SCN1A: variants seen among roughly 807,000 people sequenced by gnomAD.
The protein encoded by SCN1A is sodium voltage-gated channel alpha subunit 1.
Under a neutral mutation model 193.7 loss-of-function variants are expected in SCN1A, and 13 were observed. The ratio of observed to expected loss-of-function variants is 0.07; its 90% CI spans 0.04 to 0.11. The LOEUF is 0.11. Ranked by LOEUF, SCN1A falls within the 10% of genes least tolerant of loss-of-function variation. The pLI, the probability that SCN1A is intolerant of heterozygous loss-of-function variation, is 1.00. For synonymous variants in SCN1A, 781 were observed against 843.6 expected (o/e 0.93, Z 1.29); for missense variants, 1,432 against 2,451.1 (o/e 0.58, Z 8.78).
intron 1 of SCN1A, among the ~76,000 whole-genome samples, chr2:166,143,716 T>C (rs1248226128): frequency 6.6e-6 from 1 of 152,212 alleles, no homozygotes; most frequent in African/African-American, 2.4e-5. Context: ...AATCATCTAA[T>C]TCAGGCTCTC....
chr2:166,048,449 C>T (rs1041598832), intron 10 of SCN1A, among the ~76,000 whole-genome samples: 4 of 152,122 alleles, frequency 2.6e-5, no homozygotes, highest in South Asian at 2.1e-4. Flanking sequence ...TGAGGACATG[C>T]GGTACTTAGT....
intron 23 of SCN1A, among the ~76,000 whole-genome samples, chr2:166,008,742 A>G (rs1227726105): frequency 6.6e-6 from 1 of 151,132 alleles, no homozygotes; most frequent in African/African-American, 2.4e-5. Flanking sequence ...ATGGAAGTCT[A>G]CAATACAGCT....
chr2:166,047,979 A>C (rs1231825115), intron 10 of SCN1A, among the ~76,000 whole-genome samples: 1 of 152,100 alleles, frequency 6.6e-6, no homozygotes, highest in African/African-American at 2.4e-5. Context: ...ATTTCTAATA[A>C]TATTTTACAA....
chr2:166,006,626 GCTTATTCAA>G (rs1691696831), intron 23 of SCN1A, among the ~76,000 whole-genome samples: 1 of 151,148 alleles, frequency 6.6e-6, no homozygotes, highest in South Asian at 2.1e-4. Context: ...ATTCACATGT[GCTTATTCAA>G]CTATTTCTTA....
intron 1 of SCN1A, among the ~76,000 whole-genome samples, chr2:166,136,794 G>C (rs147402723): frequency 6.6e-5 from 10 of 152,144 alleles, no homozygotes; most frequent in African/African-American, 2.2e-4. Context: ...ACCAGATTCC[G>C]GTGAGAGCTA....
chr2:166,104,880 G>T (rs1350826005), intron 2 of SCN1A, among the ~76,000 whole-genome samples: 1 of 152,230 alleles, frequency 6.6e-6, no homozygotes, highest in Non-Finnish European at 1.5e-5. Flanking sequence ...GCTGTTGTAA[G>T]AAAGCACAGG....
chr2:166,006,611 A>T (rs1233546989), intron 23 of SCN1A, among the ~76,000 whole-genome samples: 1 of 151,372 alleles, frequency 6.6e-6, no homozygotes, highest in African/African-American at 2.4e-5. Context: ...TTTGTTTACA[A>T]CACAATTCAC....
At chr2:166,013,935 C>T in intron 20 of SCN1A, 37 bp from the exon 21 acceptor site, 9 of 1,604,120 alleles carry the variant, frequency 5.6e-6, no homozygotes, top group Non-Finnish European at 7.7e-6. Context: ...GATAAAGTGT[C>T]TCTGCTTCCA....
At chr2:166,076,338 A>G (rs1180031156) in intron 3 of SCN1A, among the ~76,000 whole-genome samples, 1 of 151,910 alleles carries the variant, frequency 6.6e-6, no homozygotes, top group African/African-American at 2.4e-5. Flanking sequence ...ATAAGTTTAA[A>G]TATTTTATCT....
At chr2:166,019,093 AATTGTAAAAC>A (rs1693686657) in intron 19 of SCN1A, among the ~76,000 whole-genome samples, 1 of 152,206 alleles carries the variant, frequency 6.6e-6, no homozygotes, top group East Asian at 1.9e-4. Context: ...TACTTCTCCA[AATTGTAAAAC>A]ATTAATGGCA....
intron 3 of SCN1A, chr2:166,075,174 A>G (rs1163678684): frequency 2.0e-5 from 3 of 152,138 alleles, no homozygotes; most frequent in East Asian, 3.8e-4. Flanking sequence ...TGATGTATAT[A>G]TATAGTTTTT....
At chr2:166,130,091 T>C (rs1691598445), upstream of SCN1A, among the ~76,000 whole-genome samples, 1 of 152,174 alleles carries the variant, frequency 6.6e-6, no homozygotes, top group South Asian at 2.1e-4. Context: ...CCATCTCCAG[T>C]CTACTCAAGA....
Position 165,998,023 on chromosome 2 carries a change from A to G in SCN1A, c.4476+15T>C, listed in dbSNP as rs1325981990. 1 of 1,590,016 alleles carries G rather than the reference A, an allele frequency of 6.3e-7. No homozygotes were observed. Among genetic ancestry groups the G allele is most frequent in the South Asian group, 1.1e-5 (1 of 90,380 alleles). ...TTTCTATCTCAGTGGGAGAGAAAATATTAGAAATACTTATCTTCTTTTTCT... is the reference window on the plus strand; with the variant it reads ...TTTCTATCTCAGTGGGAGAGAAAATGTTAGAAATACTTATCTTCTTTTTCT... On this transcript the variant is annotated intron_variant, in intron 26 of 28. Coordinates refer to ENST00000674923, the MANE Select transcript of SCN1A (RefSeq NM_001165963.4).
intron 2 of SCN1A, among the ~76,000 whole-genome samples, chr2:166,112,745 A>T (rs1689430725): frequency 6.6e-6 from 1 of 152,154 alleles, no homozygotes; most frequent in African/African-American, 2.4e-5. Context: ...CAAGTGGCTG[A>T]GGGCCCCTAC....
At chr2:166,054,154 G>C (rs1320931773) in intron 7 of SCN1A, among the ~76,000 whole-genome samples, 2 of 151,888 alleles carry the variant, frequency 1.3e-5, no homozygotes, top group Non-Finnish European at 2.9e-5. Flanking sequence ...CTCTTAGTTT[G>C]ATTTGTCAGA....
chr2:166,107,777 A>C (rs892527187), intron 2 of SCN1A, among the ~76,000 whole-genome samples: 7 of 152,176 alleles, frequency 4.6e-5, no homozygotes, highest in African/African-American at 1.7e-4. Flanking sequence ...AAGGATTTGA[A>C]ACTGTGGATA....
chr2:166,057,801 C>G (rs190683921), intron 5 of SCN1A, among the ~76,000 whole-genome samples: 13 of 151,840 alleles, frequency 8.6e-5, no homozygotes, highest in African/African-American at 2.7e-4. Flanking sequence ...ATTGTCAAAG[C>G]TATCAAACAA....
At chr2:166,068,905 G>T (rs962354497) in intron 4 of SCN1A, among the ~76,000 whole-genome samples, 2 of 152,076 alleles carry the variant, frequency 1.3e-5, no homozygotes, top group Non-Finnish European at 2.9e-5. Context: ...CTGTCACATT[G>T]TTAAAATGAT....
intron 18 of SCN1A, 117 bp from the exon 19 acceptor site, chr2:166,036,647 G>C (rs1696423611): frequency 2.0e-6 from 2 of 999,596 alleles, no homozygotes; most frequent in Non-Finnish European, 3.0e-6. Context: ...AACTTGATGA[G>C]AAGGAAACAC....
Sources: gnomAD v4.1 joint callset for allele counts (sites outside exome capture counted in the v4.1 genomes callset) on GRCh38, gnomAD v4.1.1 for gene constraint, MANE v1.5 for transcripts, NCBI Gene and HGNC (gene_info 2026-07-23, HGNC 2026-07-21) for gene names.